Variants in ARPP21 observed in about 807,000 individuals in gnomAD.
ARPP21 encodes cAMP regulated phosphoprotein 21.
A neutral mutation model predicts 113.2 loss-of-function variants in ARPP21; 69 were observed. The ratio of observed to expected loss-of-function variants is 0.61; its 90% CI spans 0.50 to 0.74. ARPP21 has a LOEUF of 0.74. Among genes scored for constraint, ARPP21 ranks in the 30% least tolerant of loss-of-function variants. The pLI, the probability that ARPP21 is intolerant of heterozygous loss-of-function variation, is 0.00. For synonymous variants in ARPP21, 368 were observed against 375.5 expected (o/e 0.98, Z 0.23); for missense variants, 1,070 against 1,037.4 (o/e 1.03, Z -0.43).
At chr3:35,644,884 G>A (rs1181981694) in intron 1 of ARPP21, among the ~76,000 whole-genome samples, 1 of 151,750 alleles carries the variant, frequency 6.6e-6, no homozygotes, top group Non-Finnish European at 1.5e-5. Flanking sequence ...AATGTCTTTT[G>A]GCAGTTGTAT....
intron 1 of ARPP21, among the ~76,000 whole-genome samples, chr3:35,660,497 G>T (rs558063473): frequency 6.6e-6 from 1 of 152,242 alleles, no homozygotes; most frequent in East Asian, 1.9e-4. Flanking sequence ...CCTTGCTATT[G>T]GCTATAGTCT....
intron 1 of ARPP21, among the ~76,000 whole-genome samples, chr3:35,676,481 T>G (rs2077516642): frequency 6.6e-6 from 1 of 152,038 alleles, no homozygotes; most frequent in Admixed American, 6.6e-5. Context: ...TTTATTTTCT[T>G]AAATGTCCTC....
chr3:35,784,844 T>C (rs962308697), intron 19 of ARPP21: 1 of 150,338 alleles, frequency 6.7e-6, no homozygotes, highest in African/African-American at 2.5e-5. Context: ...AATAATTTCT[T>C]TTTTTTTTTC....
chr3:35,743,802 T>C (rs2094835591), intron 18 of ARPP21, 37 bp from the exon 19 acceptor site: 1 of 1,604,296 alleles, frequency 6.2e-7, no homozygotes, highest in Non-Finnish European at 8.5e-7. Flanking sequence ...ATTATCTACA[T>C]TTTCATTCTC....
At chr3:35,661,099 G>A (rs182685033) in intron 1 of ARPP21, among the ~76,000 whole-genome samples, 2 of 152,120 alleles carry the variant, frequency 1.3e-5, no homozygotes, top group African/African-American at 2.4e-5. Flanking sequence ...AACTTCACTG[G>A]CATAACAAGG....
intron 15 of ARPP21, 80 bp downstream of exon 15, chr3:35,729,616 A>C: frequency 7.9e-7 from 1 of 1,263,218 alleles, no homozygotes; most frequent in Non-Finnish European, 1.1e-6. Context: ...ATTTGCTAGC[A>C]AGTATTCTGA....
At chr3:35,744,209 CCTT>C (rs1450062071) in intron 19 of ARPP21, among the ~76,000 whole-genome samples, 3 of 152,190 alleles carry the variant, frequency 2.0e-5, no homozygotes, top group Admixed American at 2.0e-4. Flanking sequence ...ATTTTTTGAT[CCTT>C]CTTCTGTTAA....
chr3:35,667,873 A>G (rs193152405), intron 1 of ARPP21, among the ~76,000 whole-genome samples: 3 of 134,032 alleles, frequency 2.2e-5, no homozygotes, highest in African/African-American at 1.0e-4. Context: ...AAGAAGAAGA[A>G]GAAGAAGAAG....
chr3:35,661,177 G>A (rs1393579450), intron 1 of ARPP21, among the ~76,000 whole-genome samples: 1 of 152,118 alleles, frequency 6.6e-6, no homozygotes, highest in African/African-American at 2.4e-5. Flanking sequence ...CTCCAGGAGA[G>A]CGAGTGCTTT....
intron 17 of ARPP21, 81 bp from the exon 18 acceptor site, chr3:35,739,236 T>A: frequency 6.7e-7 from 1 of 1,486,966 alleles, no homozygotes; most frequent in African/African-American, 1.4e-5. Flanking sequence ...TCCAAGAATG[T>A]GTCCTGTGTC....
chr3:35,728,381 G>A (rs1229635170), intron 14 of ARPP21, among the ~76,000 whole-genome samples: 1 of 151,574 alleles, frequency 6.6e-6, no homozygotes, highest in Non-Finnish European at 1.5e-5. Context: ...ACCACGCCCA[G>A]CTAATTTTCT....
intron 15 of ARPP21, among the ~76,000 whole-genome samples, chr3:35,735,211 G>T (rs1576433600): frequency 6.6e-6 from 1 of 152,088 alleles, no homozygotes; most frequent in South Asian, 2.1e-4. Flanking sequence ...CCTCTCTCCT[G>T]GGATCCAGTG....
chr3:35,778,711 T>C (rs534788741), intron 19 of ARPP21, among the ~76,000 whole-genome samples: 2 of 152,246 alleles, frequency 1.3e-5, no homozygotes, highest in Non-Finnish European at 2.9e-5. Flanking sequence ...AATACCTGTG[T>C]CCTAATTCTG....
chr3:35,746,742 G>A (rs1468448530), intron 19 of ARPP21, among the ~76,000 whole-genome samples: 1 of 152,160 alleles, frequency 6.6e-6, no homozygotes, highest in Non-Finnish European at 1.5e-5. Context: ...TTTGCTTCTT[G>A]GCGCTGTTCT....
chr3:35,696,600 CT>C (rs1241780538), intron 9 of ARPP21, among the ~76,000 whole-genome samples: 1 of 151,418 alleles, frequency 6.6e-6, no homozygotes, highest in Non-Finnish European at 1.5e-5. Flanking sequence ...TGCTCTGACA[CT>C]TTTTTATTTT....
At chr3:35,690,213 T>C in intron 8 of ARPP21, 73 bp downstream of exon 8, 1 of 787,494 alleles carries the variant, frequency 1.3e-6, no homozygotes, top group Admixed American at 1.8e-5. Flanking sequence ...TTGTCCATTC[T>C]GGAAAGACTT....
chr3:35,709,068 G>A lies in ARPP21; in HGVS notation c.895G>A (p.Asp299Asn), dbSNP rs1576131060. ...AGTGAGGGAGAGAATATTTGCACAC[G>A]ATGTGAGTAGTTGTTTTAATTGCCT... ...QRVRERIFAH[D>N]SVCSQESLFV... Residue 299 changes from aspartate (D) to asparagine (N), a missense_variant and splice_region_variant, in exon 11 of 21, where the codon GAT (aspartate) becomes AAT (asparagine). Coordinates refer to ENST00000684406, the MANE Select transcript of ARPP21 (RefSeq NM_001385562.1). The A allele has an allele frequency of 2.5e-6, 4 of 1,605,526 alleles. No individual in the cohort carries two copies. Among genetic ancestry groups the A allele is most frequent in the African/African-American group, 1.3e-5 (1 of 74,830 alleles).
At chr3:35,718,581 A>G (rs1559731572) in intron 13 of ARPP21, among the ~76,000 whole-genome samples, 2 of 152,144 alleles carry the variant, frequency 1.3e-5, no homozygotes, top group Non-Finnish European at 2.9e-5. Flanking sequence ...GCCATCTCAA[A>G]TATGGATTTC....
At chr3:35,759,761 A>T (rs13434154) in intron 19 of ARPP21, among the ~76,000 whole-genome samples, 19,836 of 151,638 alleles carry the variant, frequency 0.13, 1,409 homozygotes, top group Non-Finnish European at 0.15. Flanking sequence ...CTAAAAGATC[A>T]TAATTAAAGC....
Sources: allele counts gnomAD v4.1 joint callset (sites outside exome capture counted in the v4.1 genomes callset), GRCh38; gene constraint gnomAD v4.1.1; transcripts MANE v1.5; gene names NCBI Gene and HGNC (gene_info 2026-07-23, HGNC 2026-07-21).